ATXN2: variants seen among roughly 807,000 people sequenced by gnomAD.
The protein encoded by ATXN2 is ataxin 2.
In ATXN2, 37 loss-of-function variants were observed where a neutral mutation model predicts 138.6. That is an observed-to-expected ratio of 0.27 (90% CI 0.21 to 0.35). The LOEUF (loss-of-function observed/expected upper bound fraction) is 0.35, where lower values mean the gene tolerates loss of function less well. ATXN2 is among the 10% of genes least tolerant of loss of function. The probability of loss-of-function intolerance (pLI) is 1.00; values close to 1 mark genes in which losing one functional copy is unlikely to be tolerated. For missense variants in ATXN2, 1,216 were observed against 1,480.3 expected (o/e 0.82, Z 2.93); for synonymous variants, 549 against 543.7 (o/e 1.01, Z -0.13).
At chr12:111,506,393 C>T (rs1879111524) in intron 14 of ATXN2, among the ~76,000 whole-genome samples, 1 of 152,074 alleles carries the variant, frequency 6.6e-6, no homozygotes, top group South Asian at 2.1e-4. Flanking sequence ...TTAAAAACCA[C>T]TGATTTATAC....
In ATXN2 at chr12:111,486,797, G is replaced by A. The variant is rs1877673370; in HGVS notation, c.2268C>T (p.Pro756=). ...AACGTGGGTTGAACTCCTTTGCATT[G>A]GGATTCAATGTTGATTTCCTAACTT... ...AEQVRKSTLN[P]NAKEFNPRSF... Residue 756 remains proline, a synonymous_variant, in exon 16 of 25, where the codon CCC becomes CCT. Transcript: ENST00000673436. 1 of 1,612,742 alleles carries A rather than the reference G, an allele frequency of 6.2e-7. No homozygotes were observed. The highest frequency in any genetic ancestry group is 1.3e-5 in the African/African-American group (1 of 74,790).
chr12:111,479,888 G>A (rs1248379546), intron 18 of ATXN2, among the ~76,000 whole-genome samples: 1 of 151,128 alleles, frequency 6.6e-6, no homozygotes, highest in Non-Finnish European at 1.5e-5. Context: ...GGCTGGCTGA[G>A]GTGGCTCACA....
At chr12:111,535,470 A>T (rs1829466090) in intron 5 of ATXN2, among the ~76,000 whole-genome samples, 2 of 151,768 alleles carry the variant, frequency 1.3e-5, no homozygotes, top group African/African-American at 4.8e-5. Context: ...AAAAATACAA[A>T]AGTTAGCAGG....
chr12:111,460,970 A>T (rs1875533867), intron 21 of ATXN2, among the ~76,000 whole-genome samples: 1 of 152,210 alleles, frequency 6.6e-6, no homozygotes, highest in African/African-American at 2.4e-5. Flanking sequence ...TCCTTTCCCT[A>T]CCTAAATACC....
At chr12:111,586,305 T>G (rs1459907129) in intron 1 of ATXN2, among the ~76,000 whole-genome samples, 1 of 148,148 alleles carries the variant, frequency 6.8e-6, no homozygotes, top group African/African-American at 2.5e-5. Flanking sequence ...CACTGCAACC[T>G]TCACCTCCCG....
Position 111,516,418 on chromosome 12 carries a change from G to A in ATXN2, c.1166-55C>T. The A allele has an allele frequency of 7.0e-7, 1 of 1,428,050 alleles. No homozygotes were observed. The highest frequency in any genetic ancestry group is 9.4e-7 in the Non-Finnish European group (1 of 1,058,364). 88.5% of individuals were successfully genotyped at this position (1,428,050 alleles called of 1,614,324 possible). A position where few individuals can be genotyped will look rare whatever the true frequency, so the allele number is the denominator to read the frequency against. On this transcript the variant is annotated intron_variant, in intron 9 of 24. Coordinates refer to ENST00000673436, the MANE Select transcript of ATXN2 (RefSeq NM_001372574.1). This position sits in a 1 kb window ranked among gnomAD's most constrained non-coding sequence, Gnocchi z 5.0. ...ATAAAAACTAAAGAAAAAAATGAGGGAAAAAAGTAAACAGAAAAAAAGTAA... is the reference window on the plus strand; with the variant it reads ...ATAAAAACTAAAGAAAAAAATGAGGAAAAAAAGTAAACAGAAAAAAAGTAA...
In ATXN2 at chr12:111,598,865, G is replaced by A. The variant is rs1185446180; in HGVS notation, c.170C>T (p.Ser57Phe). Reference sequence around the variant, plus strand: ...CGTGGCCGAGGACGAGGAGACCGAGGACGAGGACGGCGAAGGCGCGGCGGC... The same window carrying A: ...CGTGGCCGAGGACGAGGAGACCGAGAACGAGGACGGCGAAGGCGCGGCGGC... The part of the protein sequence containing the change: ...SPAAAPSPSS[S>F]SVSSSSATAP... Residue 57 changes from serine (S) to phenylalanine (F), a missense_variant, in exon 1 of 25, where the codon TCC becomes TTC. Coordinates refer to ENST00000673436, the MANE Select transcript of ATXN2 (RefSeq NM_001372574.1). The surrounding 1 kb of genome is among the most constrained non-coding windows in gnomAD (Gnocchi z 4.5). The A allele has an allele frequency of 8.7e-6, 13 of 1,491,808 alleles. No individual in the cohort carries two copies. Among genetic ancestry groups the A allele is most frequent in the African/African-American group, 5.8e-5 (4 of 68,752 alleles). 92.4% of individuals were successfully genotyped at this position (1,491,808 alleles called of 1,614,324 possible).
At chr12:111,525,356 G>C (rs1880424407) in intron 5 of ATXN2, 40 bp from the exon 6 acceptor site, 1 of 1,508,470 alleles carries the variant, frequency 6.6e-7, no homozygotes, top group East Asian at 2.4e-5. Context: ...ATATAATCTG[G>C]CAATCAGTTA....
At chr12:111,519,848 A>G in intron 8 of ATXN2, 31 bp downstream of exon 8, 1 of 1,614,014 alleles carries the variant, frequency 6.2e-7, no homozygotes, top group South Asian at 1.1e-5. Context: ...TTGTGTATCC[A>G]AAATACTGCA....
intron 1 of ATXN2, among the ~76,000 whole-genome samples, chr12:111,572,350 A>C (rs1021321550): frequency 3.5e-4 from 53 of 152,072 alleles, no homozygotes; most frequent in African/African-American, 1.3e-3. Context: ...GCAGTGAGCC[A>C]AGATGGCACC....
At position 111,599,068 on chromosome 12, in the gene ATXN2, G is replaced by C. The variant is rs1885120717; in HGVS notation, c.-34C>G. On this transcript the variant is annotated 5_prime_UTR_variant, in exon 1 of 25. Coordinates refer to ENST00000673436, the MANE Select transcript of ATXN2 (RefSeq NM_001372574.1). ...GCCCATACACCGGCTCGCACGCCGGGCGGGGACAGCCGGGAGCCGGGCGCG... is the reference window on the plus strand; with the variant it reads ...GCCCATACACCGGCTCGCACGCCGGCCGGGGACAGCCGGGAGCCGGGCGCG... 1.4e-6 allele frequency: 2 copies of C among 1,432,000 alleles called. No homozygotes were observed. The highest frequency in any genetic ancestry group is 1.8e-6 in the Non-Finnish European group (2 of 1,092,144). 88.7% of individuals were successfully genotyped at this position (1,432,000 alleles called of 1,614,324 possible).
At chr12:111,493,690 G>A (rs1878204524) in intron 14 of ATXN2, among the ~76,000 whole-genome samples, 3 of 151,614 alleles carry the variant, frequency 2.0e-5, no homozygotes, top group Non-Finnish European at 2.9e-5. Context: ...CGGCAGTGGC[G>A]CGATCTCGGC....
chr12:111,468,854 C>T (rs775109247), intron 20 of ATXN2: 1 of 152,034 alleles, frequency 6.6e-6, no homozygotes, highest in African/African-American at 2.4e-5. Flanking sequence ...GCACATGCCA[C>T]CACACCCGGC....
rs754733184 is a variant in ATXN2, at chr12:111,470,604, A to C, written c.2663T>G (p.Phe888Cys). 6.2e-7 allele frequency: 1 copy of C among 1,614,032 alleles called. No homozygotes were observed. The highest frequency in any genetic ancestry group is 8.5e-7 in the Non-Finnish European group (1 of 1,180,042). Residue 888 changes from phenylalanine (F) to cysteine (C), a missense_variant, in exon 19 of 25, where the codon TTC becomes TGC. By Grantham distance (205) the Phe-to-Cys change is radical. This residue lies in a region of ATXN2 where 490 missense variants were observed against 653.5 expected (regional missense o/e 0.75). Coordinates refer to ENST00000673436, the MANE Select transcript of ATXN2 (RefSeq NM_001372574.1). ...ATGCTGAACAAGGGGCTGATTTGGG[A>C]ACTGCTGAGGACTGTAGGCAACATA... is the stretch of plus-strand genomic sequence containing the variant. ...TQYVAYSPQQ[F>C]PNQPLVQHVP...
intron 5 of ATXN2, among the ~76,000 whole-genome samples, chr12:111,543,622 A>T (rs1881651110): frequency 6.6e-6 from 1 of 152,094 alleles, no homozygotes; most frequent in African/African-American, 2.4e-5. Context: ...AAATCTAGAC[A>T]ATTATTTGCA....
At chr12:111,561,133 C>T (rs934877573) in intron 1 of ATXN2, among the ~76,000 whole-genome samples, 1 of 150,986 alleles carries the variant, frequency 6.6e-6, no homozygotes, top group Non-Finnish European at 1.5e-5. Flanking sequence ...TGCAGTGAGC[C>T]GAGATTGTGC....
chr12:111,507,707 G>A (rs1482624854), intron 14 of ATXN2, among the ~76,000 whole-genome samples: 1 of 152,258 alleles, frequency 6.6e-6, no homozygotes, highest in African/African-American at 2.4e-5. Flanking sequence ...TGGCGGCTTT[G>A]TGGAATAGAA....
intron 5 of ATXN2, among the ~76,000 whole-genome samples, chr12:111,545,752 G>C (rs1881768847): frequency 1.3e-5 from 2 of 151,912 alleles, no homozygotes. Context: ...AGGCCCAGCA[G>C]TTTGAGACCA....
At chr12:111,485,562 C>T (rs978640267) in intron 17 of ATXN2, 151 bp downstream of exon 17, 1 of 1,044,548 alleles carries the variant, frequency 9.6e-7, no homozygotes, top group African/African-American at 1.6e-5. Flanking sequence ...GGTCCTCATA[C>T]TTAACAACAC....
Sources: gnomAD v4.1 joint callset for allele counts (sites outside exome capture counted in the v4.1 genomes callset) on GRCh38, gnomAD v4.1.1 for gene constraint, gnomAD v4.1.1 regional missense constraint, Gnocchi (gnomAD v3.1) non-coding constraint, MANE v1.5 for transcripts, NCBI Gene and HGNC (gene_info 2026-07-23, HGNC 2026-07-21) for gene names.